Variants in PPP6R2 observed in about 807,000 individuals in gnomAD.
The protein encoded by PPP6R2 is protein phosphatase 6 regulatory subunit 2, also known as serine/threonine-protein phosphatase 6 regulatory subunit 2.
PPP6R2 carries 62 observed loss-of-function variants against 100.2 expected under a neutral mutation model. The ratio of observed to expected loss-of-function variants is 0.62; its 90% CI spans 0.50 to 0.76. The LOEUF is 0.76. Among genes scored for constraint, PPP6R2 ranks in the 30% least tolerant of loss-of-function variants. The pLI, the probability that PPP6R2 is intolerant of heterozygous loss-of-function variation, is 0.00. For synonymous variants in PPP6R2, 525 were observed against 514.7 expected (o/e 1.02, Z -0.27); for missense variants, 1,142 against 1,276.3 (o/e 0.89, Z 1.60).
intron 1 of PPP6R2, among the ~76,000 whole-genome samples, chr22:50,369,881 T>C (rs1279304473): frequency 1.3e-5 from 2 of 150,972 alleles, no homozygotes; most frequent in East Asian, 3.9e-4. Flanking sequence ...ACCACAGGTG[T>C]GTGCCACCAC....
At chr22:50,437,721 C>A in intron 16 of PPP6R2, 118 bp downstream of exon 16, 2 of 1,381,968 alleles carry the variant, frequency 1.4e-6, no homozygotes, top group Non-Finnish European at 2.0e-6. Context: ...CGGGAGACAG[C>A]AGGTGTTCCC....
At chr22:50,344,403 C>T (rs1201158889) in intron 1 of PPP6R2, among the ~76,000 whole-genome samples, 1 of 3,506 alleles carries the variant, frequency 2.9e-4, no homozygotes, top group Non-Finnish European at 4.9e-4. Context: ...CAGTCAGTGC[C>T]CCCTTCAGTC....
chr22:50,414,531 C>T (rs1401750928), intron 4 of PPP6R2, 21 bp from the exon 5 acceptor site: 1 of 1,613,616 alleles, frequency 6.2e-7, no homozygotes, highest in African/African-American at 1.3e-5. Context: ...CCGCCTGCCT[C>T]TCAGGTGTGT....
Position 50,432,255 on chromosome 22 carries a change from C to T in PPP6R2, c.1336-10C>T, listed in dbSNP as rs149769173. 8.4e-6 allele frequency: 13 copies of T among 1,549,312 alleles called. No homozygotes were observed. Among genetic ancestry groups the T allele is most frequent in the East Asian group, 4.9e-5 (2 of 40,928 alleles). The stretch of plus-strand genomic sequence containing the variant: ...CCTGACTCACGCTGTCCCCCTGCCC[C>T]GCCCCCCAGCTGTTCCAGAAGTGCT... On this transcript the variant is annotated splice_polypyrimidine_tract_variant and intron_variant, in intron 11 of 23. Transcript: ENST00000612753.
intron 4 of PPP6R2, among the ~76,000 whole-genome samples, chr22:50,413,192 AC>A (rs2060018077): frequency 6.6e-6 from 1 of 151,190 alleles, no homozygotes; most frequent in African/African-American, 2.4e-5. Context: ...GTCTGGTCTG[AC>A]CTCAGGTGAT....
chr22:50,442,985 C>A (rs4824134), intron 22 of PPP6R2: 1 of 150,934 alleles, frequency 6.6e-6, no homozygotes, highest in Non-Finnish European at 1.5e-5. Context: ...GCCAACATGG[C>A]GAAAACCCGT....
upstream of PPP6R2, among the ~76,000 whole-genome samples, chr22:50,339,803 T>TGTGTGTGTGGTGTGTGGGGTATGTA (rs1188368990): frequency 1.0e-5 from 1 of 96,536 alleles, no homozygotes; most frequent in Non-Finnish European, 1.9e-5. Context: ...GTGTGGGGTA[T>TGTGTGTGTGGTGTGTGGGGTATGTA]GTGTGTGTGG....
rs895429866 is a variant in PPP6R2 at position 50,397,154 on chromosome 22, G to A, written c.227+3019G>A. Among the ~76,000 whole-genome samples the A allele has an allele frequency of 2.6e-5, 4 of 152,098 alleles. No homozygotes were observed. The South Asian group carries it at 8.3e-4, about 32-fold the overall frequency. On this transcript the variant is annotated intron_variant, in intron 3 of 23. Coordinates refer to ENST00000612753, the MANE Select transcript of PPP6R2 (RefSeq NM_001242898.2). ...AACAGAGCAAGAGGACTATGAACCTGGGGGGAGACTTCCGTAAGTAAGCAA... is the reference window on the plus strand; with the variant it reads ...AACAGAGCAAGAGGACTATGAACCTAGGGGGAGACTTCCGTAAGTAAGCAA...
At chr22:50,361,075 C>T (rs2047692149) in intron 1 of PPP6R2, among the ~76,000 whole-genome samples, 1 of 152,182 alleles carries the variant, frequency 6.6e-6, no homozygotes, top group Non-Finnish European at 1.5e-5. Flanking sequence ...ATGATCCCAC[C>T]ATCTCTAAGC....
At chr22:50,422,436 T>C in intron 9 of PPP6R2, 56 bp downstream of exon 9, 5 of 1,596,566 alleles carry the variant, frequency 3.1e-6, no homozygotes, top group Non-Finnish European at 3.4e-6. Flanking sequence ...GAGAGGTTGA[T>C]TTGCAGGGAG....
At chr22:50,363,386 T>G (rs2048159063) in intron 1 of PPP6R2, among the ~76,000 whole-genome samples, 1 of 152,222 alleles carries the variant, frequency 6.6e-6, no homozygotes, top group Non-Finnish European at 1.5e-5. Flanking sequence ...TAAGAAAGGC[T>G]TTTACTTCAG....
intron 10 of PPP6R2, among the ~76,000 whole-genome samples, chr22:50,428,940 G>C (rs1603377672): frequency 6.6e-6 from 1 of 152,104 alleles, no homozygotes; most frequent in East Asian, 1.9e-4. Flanking sequence ...TGAATATGTT[G>C]TCAGCTATGG....
upstream of PPP6R2, among the ~76,000 whole-genome samples, chr22:50,339,262 TTGTG>T (rs201599951): frequency 0.13 from 14,082 of 106,052 alleles, 2,279 homozygotes; most frequent in African/African-American, 0.42. Flanking sequence ...TGTTGTGTGA[TTGTG>T]TGGTGTGTGT....
At chr22:50,442,299 C>T (rs2065845493) in intron 22 of PPP6R2, among the ~76,000 whole-genome samples, 1 of 152,222 alleles carries the variant, frequency 6.6e-6, no homozygotes, top group Non-Finnish European at 1.5e-5. Flanking sequence ...AAGCTGCAAG[C>T]TCAGCACCAG....
chr22:50,359,439 G>C (rs532962906), intron 1 of PPP6R2, among the ~76,000 whole-genome samples: 1 of 151,982 alleles, frequency 6.6e-6, no homozygotes, highest in Non-Finnish European at 1.5e-5. Context: ...GGATGGTCTC[G>C]ATCTCCTGAC....
At chr22:50,408,618 A>G (rs1030702038) in intron 4 of PPP6R2, among the ~76,000 whole-genome samples, 1 of 152,102 alleles carries the variant, frequency 6.6e-6, no homozygotes, top group African/African-American at 2.4e-5. Context: ...AGGTGGTAGT[A>G]GATGTTGTAA....
At chr22:50,422,988 G>T (rs868260768) in intron 9 of PPP6R2, among the ~76,000 whole-genome samples, 1 of 152,176 alleles carries the variant, frequency 6.6e-6, no homozygotes, top group Non-Finnish European at 1.5e-5. Context: ...GAGTGTGGGG[G>T]ATCAGAAAAG....
At chr22:50,370,132 A>G (rs1056252937) in intron 1 of PPP6R2, among the ~76,000 whole-genome samples, 18 of 145,860 alleles carry the variant, frequency 1.2e-4, no homozygotes, top group African/African-American at 4.6e-4. Context: ...CCTAACTTCG[A>G]CAGTGATCGA....
chr22:50,376,371 A>G (rs748256080), intron 2 of PPP6R2, among the ~76,000 whole-genome samples: 6 of 152,140 alleles, frequency 3.9e-5, no homozygotes, highest in Non-Finnish European at 7.4e-5. Flanking sequence ...ACACTTCCTC[A>G]AAGACTTCAG....
Sources: allele counts gnomAD v4.1 joint callset (sites outside exome capture counted in the v4.1 genomes callset), GRCh38; gene constraint gnomAD v4.1.1; transcripts MANE v1.5; gene names NCBI Gene and HGNC (gene_info 2026-07-23, HGNC 2026-07-21).